The following NPAS3 variants were observed in gnomAD, a reference collection of about 807,000 sequenced individuals.
The protein encoded by NPAS3 is neuronal PAS domain protein 3.
A neutral mutation model predicts 73.1 loss-of-function variants in NPAS3; 14 were observed. The ratio of observed to expected loss-of-function variants is 0.19; its 90% CI spans 0.13 to 0.30. NPAS3 has a LOEUF of 0.30. NPAS3 is among the 10% of genes least tolerant of loss of function. The pLI, the probability that NPAS3 is intolerant of heterozygous loss-of-function variation, is 1.00. For synonymous variants in NPAS3, 620 were observed against 541.5 expected, an observed-to-expected ratio of 1.14 and a Z score of -2.01; for missense variants, 1,096 against 1,250.0, an observed-to-expected ratio of 0.88 and a Z score of 1.86.
At chr14:33,065,676 C>A (rs1167606467) in intron 2 of NPAS3, among the ~76,000 whole-genome samples, 1 of 152,030 alleles carries the variant, frequency 6.6e-6, no homozygotes, top group Non-Finnish European at 1.5e-5. Flanking sequence ...GTCCCTCCCT[C>A]AAGCCAGTTA....
intron 7 of NPAS3, among the ~76,000 whole-genome samples, chr14:33,749,787 A>G (rs750091968): frequency 1.3e-5 from 2 of 152,132 alleles, no homozygotes; most frequent in East Asian, 3.9e-4. Flanking sequence ...CAGTAAGTGA[A>G]AAAGGGAGTG....
chr14:33,513,015 GT>G (rs1279597114), intron 4 of NPAS3, among the ~76,000 whole-genome samples: 1 of 152,006 alleles, frequency 6.6e-6, no homozygotes, highest in Non-Finnish European at 1.5e-5. Context: ...GCAATAAGAA[GT>G]TTTACCTCGA....
chr14:33,214,419 T>C (rs893386744), intron 2 of NPAS3: 2 of 152,222 alleles, frequency 1.3e-5, no homozygotes, highest in African/African-American at 2.4e-5. Context: ...TAATAACCCA[T>C]ACAGCGCTTT....
At chr14:33,687,929 C>T (rs774932630) in intron 6 of NPAS3, among the ~76,000 whole-genome samples, 6 of 152,192 alleles carry the variant, frequency 3.9e-5, no homozygotes, top group Non-Finnish European at 5.9e-5. Context: ...TGGAGGTCTC[C>T]ATTTTATACA....
intron 4 of NPAS3, among the ~76,000 whole-genome samples, chr14:33,490,670 G>A (rs1377702413): frequency 1.3e-5 from 2 of 152,144 alleles, no homozygotes; most frequent in Admixed American, 6.6e-5. Context: ...AGCCTTTGAA[G>A]GCAGGAAGAG....
chr14:32,973,998 A>G (rs1489652567), intron 1 of NPAS3, among the ~76,000 whole-genome samples: 1 of 152,204 alleles, frequency 6.6e-6, no homozygotes, highest in African/African-American at 2.4e-5. Context: ...GAAGTCAAGA[A>G]CTGTATTAAA....
At chr14:33,355,885 A>T (rs2045316786) in intron 3 of NPAS3, among the ~76,000 whole-genome samples, 1 of 150,560 alleles carries the variant, frequency 6.6e-6, no homozygotes, top group Admixed American at 6.6e-5. Context: ...ACTGCTGCTT[A>T]TGTGGAGATG....
intron 4 of NPAS3, among the ~76,000 whole-genome samples, chr14:33,533,959 A>G (rs948533952): frequency 1.1e-4 from 17 of 152,152 alleles, no homozygotes; most frequent in African/African-American, 3.6e-4. Context: ...TGCCCCATAT[A>G]TTAATGTGTT....
intron 2 of NPAS3, among the ~76,000 whole-genome samples, chr14:33,149,605 A>T (rs1392040053): frequency 2.6e-5 from 4 of 152,148 alleles, no homozygotes; most frequent in African/African-American, 9.7e-5. Flanking sequence ...TTACTTACTT[A>T]TGTATATAAG....
intron 3 of NPAS3, among the ~76,000 whole-genome samples, chr14:33,322,888 T>C (rs2043520347): frequency 6.6e-6 from 1 of 152,192 alleles, no homozygotes; most frequent in African/African-American, 2.4e-5. Context: ...CCTATTTGTA[T>C]ATCTGACCCT....
intron 4 of NPAS3, among the ~76,000 whole-genome samples, chr14:33,522,651 CTG>C (rs1388812802): frequency 3.1e-4 from 47 of 152,160 alleles, no homozygotes; most frequent in East Asian, 2.7e-3. Flanking sequence ...ACATTTAAGA[CTG>C]TGTTAATTGT....
chr14:33,051,296 A>AAAAAAAAAAAAAAAAGAG (rs771840433), intron 1 of NPAS3, among the ~76,000 whole-genome samples: 3 of 142,526 alleles, frequency 2.1e-5, no homozygotes, highest in African/African-American at 8.3e-5. Context: ...AAAAAAAAAA[A>AAAAAAAAAAAAAAAAGAG]AGAGAGACTA....
intron 3 of NPAS3, among the ~76,000 whole-genome samples, chr14:33,283,953 A>G (rs2041745042): frequency 6.6e-6 from 1 of 152,196 alleles, no homozygotes; most frequent in Admixed American, 6.5e-5. Context: ...TATCAGGTTC[A>G]GAAGACTTCT....
intron 2 of NPAS3, among the ~76,000 whole-genome samples, chr14:33,107,389 T>C (rs990393656): frequency 6.6e-6 from 1 of 152,146 alleles, no homozygotes. Context: ...AGGCGGTTTT[T>C]CAACCCTTAC....
chr14:33,275,402 G>T (rs935080997), intron 3 of NPAS3, among the ~76,000 whole-genome samples: 2 of 152,194 alleles, frequency 1.3e-5, no homozygotes, highest in Non-Finnish European at 2.9e-5. Flanking sequence ...ATGGCAACAT[G>T]CTGGGAAAAT....
intron 4 of NPAS3, among the ~76,000 whole-genome samples, chr14:33,521,354 T>G (rs1242853871): frequency 1.3e-5 from 2 of 152,134 alleles, no homozygotes; most frequent in African/African-American, 4.8e-5. Flanking sequence ...GTTCTGTTTC[T>G]ACAAAGTCCT....
intron 1 of NPAS3, among the ~76,000 whole-genome samples, chr14:33,001,230 A>G (rs895486435): frequency 2.6e-5 from 4 of 152,166 alleles, no homozygotes; most frequent in Non-Finnish European, 4.4e-5. Flanking sequence ...TGAAATGGAC[A>G]GAAAATGGAG....
chr14:33,043,976 A>T (rs1288899865), intron 1 of NPAS3, among the ~76,000 whole-genome samples: 1 of 152,208 alleles, frequency 6.6e-6, no homozygotes, highest in Non-Finnish European at 1.5e-5. Context: ...ATCTGCAAAC[A>T]TGATATATTT....
At chr14:33,216,947 AC>A (rs2047245315) in intron 3 of NPAS3, among the ~76,000 whole-genome samples, 1 of 151,986 alleles carries the variant, frequency 6.6e-6, no homozygotes, top group Admixed American at 6.6e-5. Flanking sequence ...TCAATAACAC[AC>A]CAATTCATGT....
Sources: gnomAD v4.1 joint callset for allele counts (sites outside exome capture counted in the v4.1 genomes callset) on GRCh38, gnomAD v4.1.1 for gene constraint, MANE v1.5 for transcripts, NCBI Gene and HGNC (gene_info 2026-07-23, HGNC 2026-07-21) for gene names.